Variants in IVD observed in about 807,000 individuals in gnomAD.
IVD encodes the protein isovaleryl-CoA dehydrogenase.
In IVD, 31 loss-of-function variants were observed where a neutral mutation model predicts 51.3. That is an observed-to-expected ratio of 0.60 (90% CI 0.45 to 0.81). The LOEUF (loss-of-function observed/expected upper bound fraction) is 0.81, where lower values mean the gene tolerates loss of function less well. Ranked by LOEUF, IVD falls within the 40% of genes least tolerant of loss-of-function variation. The pLI, the probability that IVD is intolerant of heterozygous loss-of-function variation, is 0.00. For synonymous variants in IVD, 205 were observed against 219.4 expected (o/e 0.93, Z 0.58); for missense variants, 475 against 552.0 (o/e 0.86, Z 1.40).
chr15:40,418,559 C>A lies in IVD; in HGVS notation c.*296C>A, dbSNP rs1367004776. Reference sequence around the variant, plus strand: ...ACTCTGTGCCCTTGCTCTCTAACTTCTGAGCCCACCTCCCAGGGTAGGCAC... The same window carrying A: ...ACTCTGTGCCCTTGCTCTCTAACTTATGAGCCCACCTCCCAGGGTAGGCAC... On this transcript the variant is annotated 3_prime_UTR_variant, in exon 12 of 12. Transcript: ENST00000487418. The A allele has an allele frequency of 8.2e-7, 1 of 1,219,658 alleles. No individual in the cohort carries two copies. Among genetic ancestry groups the A allele is most frequent in the Admixed American group, 3.6e-5 (1 of 27,904 alleles). 75.6% of individuals were successfully genotyped at this position (1,219,658 alleles called of 1,614,324 possible).
rs185889488 is a variant in IVD, at chr15:40,408,391, G to A, written c.286+401G>A. On this transcript the variant is annotated intron_variant, in intron 3 of 11. Transcript: ENST00000487418. ...TGTCCTACCAGTGGCCTCTCGGCAG[G>A]AACACTCTGGGCAGGTGTGTCCCTG... 3.2e-3 allele frequency among the ~76,000 whole-genome samples: 487 copies of A among 152,288 alleles called. 2 individuals carry two copies. Among genetic ancestry groups the A allele is most frequent in the Non-Finnish European group, 6.0e-3 (405 of 68,022 alleles).
chr15:40,413,997 A>G (rs968900559), intron 7 of IVD, among the ~76,000 whole-genome samples: 1 of 152,050 alleles, frequency 6.6e-6, no homozygotes, highest in Non-Finnish European at 1.5e-5. Context: ...AGTAGCTGGG[A>G]TGACAGGCAC....
At chr15:40,410,991 G>T (rs1245118395) in intron 4 of IVD, among the ~76,000 whole-genome samples, 194 bp downstream of exon 4, 1 of 152,198 alleles carries the variant, frequency 6.6e-6, no homozygotes, top group Non-Finnish European at 1.5e-5. Flanking sequence ...CAGAACTCTT[G>T]CATTGAACAA....
chr15:40,431,654 C>A (rs1018614261), intron 7 of IVD, among the ~76,000 whole-genome samples: 8 of 151,358 alleles, frequency 5.3e-5, no homozygotes, highest in Non-Finnish European at 1.0e-4. Context: ...GAGATCACGC[C>A]ACTGCACTCC....
chr15:40,418,601 G>A lies in IVD; in HGVS notation c.*338G>A, dbSNP rs879231133. The A allele has an allele frequency of 1.2e-5, 11 of 921,782 alleles. No individual in the cohort carries two copies. The highest frequency in any genetic ancestry group is 1.5e-5 in the Non-Finnish European group (11 of 725,014). 57.1% of individuals were successfully genotyped at this position (921,782 alleles called of 1,614,324 possible). A position where few individuals can be genotyped will look rare whatever the true frequency, so the allele number is the denominator to read the frequency against. ...GGTAGGCACCTGGGGGCATGCAGGT[G>A]CCCACCTCCCAGGGTAGGCACCTGG... On this transcript the variant is annotated 3_prime_UTR_variant, in exon 12 of 12. Transcript: ENST00000487418.
At chr15:40,417,280 G>T (rs1367758778) in intron 11 of IVD, among the ~76,000 whole-genome samples, 10 of 148,584 alleles carry the variant, frequency 6.7e-5, no homozygotes, top group South Asian at 4.3e-4. Flanking sequence ...GGCCGAGGCA[G>T]GTGGATCACC....
At chr15:40,415,249 A>T in intron 8 of IVD, 152 bp from the exon 9 acceptor site, 1 of 787,224 alleles carries the variant, frequency 1.3e-6, no homozygotes, top group Non-Finnish European at 2.1e-6. Flanking sequence ...ACGCCCCTGC[A>T]CCTCTGGCCA....
chr15:40,410,785 G>A lies in IVD; in HGVS notation c.444G>A (p.Lys148=), dbSNP rs768172531. Residue 148 remains lysine (K), a synonymous_variant, in exon 4 of 12, where the codon AAG becomes AAA. Coordinates refer to ENST00000487418, the MANE Select transcript of IVD (RefSeq NM_002225.5). ...VRNGNEAQKE[K]YLPKLISGEY... ...ATGGGAATGAGGCCCAGAAAGAGAA[G>A]TATCTCCCGAAGGTGAGGAAATGGA... The A allele has an allele frequency of 3.1e-6, 5 of 1,614,168 alleles. No homozygotes were observed. In the Admixed American group the frequency reaches 6.7e-5, roughly 22 times the overall value.
At chr15:40,430,876 G>A (rs1393594850) in intron 7 of IVD, among the ~76,000 whole-genome samples, 2 of 152,138 alleles carry the variant, frequency 1.3e-5, no homozygotes, top group African/African-American at 2.4e-5. Context: ...TTTTGATAAC[G>A]GCTTTGCCAA....
chr15:40,408,885 G>T (rs1428475199), intron 3 of IVD, among the ~76,000 whole-genome samples: 2 of 152,132 alleles, frequency 1.3e-5, no homozygotes, highest in Non-Finnish European at 2.9e-5. Context: ...GGGAGGCGGA[G>T]GTTGCAGTGA....
At chr15:40,431,895 T>C (rs1217289021) in intron 7 of IVD, among the ~76,000 whole-genome samples, 1 of 152,076 alleles carries the variant, frequency 6.6e-6, no homozygotes, top group Non-Finnish European at 1.5e-5. Context: ...AATGCCCTTA[T>C]TAGATTTTTA....
intron 4 of IVD, 136 bp downstream of exon 4, chr15:40,410,933 C>A: frequency 1.9e-6 from 2 of 1,070,744 alleles, no homozygotes; most frequent in Non-Finnish European, 1.4e-6. Context: ...TAGGAAGGGG[C>A]CATGGATTGC....
chr15:40,420,845 A>T lies in IVD; in HGVS notation c.*2582A>T. On this transcript the variant is annotated 3_prime_UTR_variant, in exon 12 of 12. Transcript: ENST00000487418. The stretch of plus-strand genomic sequence containing the variant: ...CCGCACTGTACAGCAGTCTGGATAG[A>T]GTGTGATCTGAGAAGGGAATGGGTC... 1 of 985,528 alleles carries T rather than the reference A, an allele frequency of 1.0e-6. No individual in the cohort carries two copies. The highest frequency in any genetic ancestry group is 1.2e-6 in the Non-Finnish European group (1 of 829,976). The allele number at this position is 985,528 out of a possible 1,614,324, so 61.0% of individuals were successfully genotyped here. A position where few individuals can be genotyped will look rare whatever the true frequency, so the allele number is the denominator to read the frequency against.
intron 7 of IVD, 187 bp downstream of exon 7, chr15:40,413,274 C>T: frequency 1.5e-6 from 1 of 648,480 alleles, no homozygotes; most frequent in Non-Finnish European, 2.8e-6. Flanking sequence ...CCTGCAGCGG[C>T]ATGCCTAACT....
chr15:40,424,237 A>G (rs1320686083), downstream of IVD: 4 of 1,263,162 alleles, frequency 3.2e-6, no homozygotes, highest in Non-Finnish European at 3.1e-6. Flanking sequence ...AGGCTTGGCA[A>G]GGCAAATATG....
chr15:40,424,227 AGGCTT>A, downstream of IVD: 2 of 1,275,672 alleles, frequency 1.6e-6, no homozygotes, highest in Non-Finnish European at 2.0e-6. Context: ...GTAAGATCTA[AGGCTT>A]GGCAAGGCAA....
At chr15:40,412,664 T>C in intron 6 of IVD, 1 of 373,774 alleles carries the variant, frequency 2.7e-6, no homozygotes, top group Non-Finnish European at 5.1e-6. Flanking sequence ...ACCGGGCTGG[T>C]GACAGTGTCT....
At chr15:40,412,191 A>C (rs990729568) in intron 6 of IVD, among the ~76,000 whole-genome samples, 1 of 152,212 alleles carries the variant, frequency 6.6e-6, no homozygotes. Context: ...GAAAAAAGAA[A>C]ATAGAGGGAG....
intron 1 of IVD, chr15:40,406,444 C>G: frequency 1.2e-6 from 1 of 832,302 alleles, no homozygotes; most frequent in Admixed American, 2.4e-5. Context: ...AGTGAGCTCT[C>G]CTGTCGCTCT....
Sources: allele counts gnomAD v4.1 joint callset (sites outside exome capture counted in the v4.1 genomes callset), GRCh38; gene constraint gnomAD v4.1.1; transcripts MANE v1.5; gene names NCBI Gene and HGNC (gene_info 2026-07-23, HGNC 2026-07-21).